ANGPT2: variants seen among roughly 807,000 people sequenced by gnomAD.
The protein encoded by ANGPT2 is angiopoietin-2.
In ANGPT2, 28 loss-of-function variants were observed where a neutral mutation model predicts 62.9. That is an observed-to-expected ratio of 0.44 (90% CI 0.33 to 0.61). The LOEUF (loss-of-function observed/expected upper bound fraction) is 0.61, where lower values mean the gene tolerates loss of function less well. ANGPT2 is among the 20% of genes least tolerant of loss of function. ANGPT2 has a pLI of 0.03. For missense variants in ANGPT2, 727 were observed against 594.9 expected (o/e 1.22, Z -2.31); for synonymous variants, 284 against 207.8 (o/e 1.37, Z -3.15).
At chr8:6,526,904 G>C (rs1001870311) in intron 3 of ANGPT2, among the ~76,000 whole-genome samples, 4 of 151,996 alleles carry the variant, frequency 2.6e-5, no homozygotes, top group African/African-American at 9.7e-5. Flanking sequence ...TGTTGATCTT[G>C]AGATTTTTCT....
Position 6,502,867 on chromosome 8 carries a change from G to A in ANGPT2, c.*234C>T. On this transcript the variant is annotated 3_prime_UTR_variant, in exon 9 of 9. Coordinates refer to ENST00000629816, the MANE Select transcript of ANGPT2 (RefSeq NM_001118887.2). ...CAGCCTCGGGTTCATCTTTGCATAGGTGTTCTGTCTAATCACAATTATGGA... is the reference window on the plus strand; with the variant it reads ...CAGCCTCGGGTTCATCTTTGCATAGATGTTCTGTCTAATCACAATTATGGA... 2.0e-6 allele frequency: 1 copy of A among 506,324 alleles called. No individual in the cohort carries two copies. The highest frequency in any genetic ancestry group is 3.5e-6 in the Non-Finnish European group (1 of 286,396). The allele number at this position is 506,324 out of a possible 1,614,324, so 31.4% of individuals were successfully genotyped here.
intron 1 of ANGPT2, among the ~76,000 whole-genome samples, chr8:6,550,477 G>A (rs933784073): frequency 4.6e-5 from 7 of 152,192 alleles, no homozygotes; most frequent in East Asian, 3.9e-4. Context: ...CCTCCCCTCC[G>A]GGGTGAAGCG....
intron 7 of ANGPT2, among the ~76,000 whole-genome samples, chr8:6,509,469 G>C (rs956316753): frequency 1.3e-5 from 2 of 152,180 alleles, no homozygotes; most frequent in Admixed American, 6.5e-5. Context: ...TCCGCAGGGG[G>C]CCCCGGGGGG....
At chr8:6,513,339 T>TC (rs1244783053) in intron 7 of ANGPT2, among the ~76,000 whole-genome samples, 80 of 150,410 alleles carry the variant, frequency 5.3e-4, no homozygotes, top group Middle Eastern at 3.4e-3. Flanking sequence ...CTTTTTCTTT[T>TC]TTTTTTTTTT....
intron 8 of ANGPT2, among the ~76,000 whole-genome samples, chr8:6,506,902 GC>G (rs1207446782): frequency 6.6e-6 from 1 of 150,808 alleles, no homozygotes; most frequent in African/African-American, 2.4e-5. Context: ...TGTTAATGAT[GC>G]TTTTTTTTTT....
intron 1 of ANGPT2, among the ~76,000 whole-genome samples, chr8:6,551,123 C>G (rs1333861015): frequency 3.3e-5 from 5 of 152,170 alleles, no homozygotes; most frequent in Admixed American, 6.5e-5. Flanking sequence ...GCCCCTGACT[C>G]GAAGCTGACC....
At chr8:6,508,824 A>G (rs538726593) in intron 8 of ANGPT2, 108 bp downstream of exon 8, 1 of 1,476,888 alleles carries the variant, frequency 6.8e-7, no homozygotes, top group African/African-American at 1.4e-5. Context: ...TACGTATGAA[A>G]TTGTGGACAT....
At chr8:6,555,133 A>G (rs776873990) in intron 1 of ANGPT2, among the ~76,000 whole-genome samples, 1 of 152,064 alleles carries the variant, frequency 6.6e-6, no homozygotes, top group Non-Finnish European at 1.5e-5. Context: ...TTTTATTTAC[A>G]TCAAATCATT....
chr8:6,554,003 G>A (rs906354398), intron 1 of ANGPT2, among the ~76,000 whole-genome samples: 2 of 151,824 alleles, frequency 1.3e-5, no homozygotes, highest in African/African-American at 2.4e-5. Context: ...AGAGACGAGC[G>A]CACAACTCAG....
chr8:6,550,808 TTGAG>T (rs2129574875), intron 1 of ANGPT2, among the ~76,000 whole-genome samples: 1 of 152,296 alleles, frequency 6.6e-6, no homozygotes, highest in East Asian at 1.9e-4. Flanking sequence ...TGTTGTGAAA[TTGAG>T]TGAGACGATG....
intron 1 of ANGPT2, among the ~76,000 whole-genome samples, chr8:6,555,811 T>A (rs1249900036): frequency 1.3e-5 from 2 of 152,188 alleles, no homozygotes; most frequent in Non-Finnish European, 2.9e-5. Flanking sequence ...TTGTACCAAT[T>A]ATACCAATTG....
chr8:6,522,126 C>T (rs1164412407), intron 3 of ANGPT2, among the ~76,000 whole-genome samples: 1 of 152,110 alleles, frequency 6.6e-6, no homozygotes, highest in Non-Finnish European at 1.5e-5. Flanking sequence ...GAGGCCGAGG[C>T]GGGCGGATCA....
In ANGPT2 at chr8:6,532,794, A is replaced by G. The variant is rs559522822; in HGVS notation, c.289-307T>C. Among the ~76,000 whole-genome samples the G allele has an allele frequency of 1.3e-4, 20 of 152,326 alleles. No homozygotes were observed. The South Asian group carries it at 3.7e-3, about 28-fold the overall frequency. On this transcript the variant is annotated intron_variant, in intron 1 of 8. Coordinates refer to ENST00000629816, the MANE Select transcript of ANGPT2 (RefSeq NM_001118887.2). Reference sequence around the variant, plus strand: ...GCAGGCCACAGAGGGTGGTGAGGGCAGCCACAGGGACTGCTGGGTGCGGCC... The same window carrying G: ...GCAGGCCACAGAGGGTGGTGAGGGCGGCCACAGGGACTGCTGGGTGCGGCC...
At position 6,553,552 on chromosome 8, in the gene ANGPT2, A is replaced by G. The variant is rs190305397; in HGVS notation, c.288+9095T>C. 3.1e-3 allele frequency among the ~76,000 whole-genome samples: 478 copies of G among 152,344 alleles called. 3 individuals are homozygous for G. Among genetic ancestry groups the G allele is most frequent in the Non-Finnish European group, 4.6e-3 (312 of 68,030 alleles). On this transcript the variant is annotated intron_variant, in intron 1 of 8. Coordinates refer to ENST00000629816, the MANE Select transcript of ANGPT2 (RefSeq NM_001118887.2). ...TCCAAGATACCTCTTATTTTGGTATAGAACGCCTTTATTCAAACAACGGGA... is the reference window on the plus strand; with the variant it reads ...TCCAAGATACCTCTTATTTTGGTATGGAACGCCTTTATTCAAACAACGGGA...
intron 5 of ANGPT2, among the ~76,000 whole-genome samples, chr8:6,517,685 T>G (rs1014559496): frequency 6.6e-6 from 1 of 152,172 alleles, no homozygotes; most frequent in Non-Finnish European, 1.5e-5. Flanking sequence ...GCTGTCCCTG[T>G]GTTGTCACAA....
intron 1 of ANGPT2, among the ~76,000 whole-genome samples, chr8:6,538,363 C>T (rs2922878): frequency 1.3e-5 from 2 of 152,218 alleles, no homozygotes; most frequent in African/African-American, 4.8e-5. Flanking sequence ...GGCCACGCAT[C>T]CCCCAGCTGC....
intron 1 of ANGPT2, among the ~76,000 whole-genome samples, chr8:6,558,486 G>T (rs1825010083): frequency 6.6e-6 from 1 of 152,144 alleles, no homozygotes; most frequent in African/African-American, 2.4e-5. Flanking sequence ...ACCATCCTGA[G>T]CATCTGATCA....
At chr8:6,538,967 G>A (rs950510402) in intron 1 of ANGPT2, among the ~76,000 whole-genome samples, 3 of 152,198 alleles carry the variant, frequency 2.0e-5, no homozygotes, top group African/African-American at 4.8e-5. Context: ...AACATCATTT[G>A]AGGTCTCCAG....
intron 8 of ANGPT2, among the ~76,000 whole-genome samples, chr8:6,504,671 A>G (rs1328693236): frequency 6.6e-6 from 1 of 152,216 alleles, no homozygotes; most frequent in Non-Finnish European, 1.5e-5. Context: ...AAGGAGAGAA[A>G]AAAATCGTAC....
Sources: gnomAD v4.1 joint callset for allele counts (sites outside exome capture counted in the v4.1 genomes callset) on GRCh38, gnomAD v4.1.1 for gene constraint, MANE v1.5 for transcripts, NCBI Gene and HGNC (gene_info 2026-07-23, HGNC 2026-07-21) for gene names.